Variants in HCFC2 observed in about 807,000 individuals in gnomAD.
HCFC2 encodes host cell factor C2.
Under a neutral mutation model 89.2 loss-of-function variants are expected in HCFC2, and 18 were observed. The observed-to-expected ratio is 0.20, with a 90% confidence interval of 0.14 to 0.30. The LOEUF (loss-of-function observed/expected upper bound fraction) is 0.30, where lower values mean the gene tolerates loss of function less well. Among genes scored for constraint, HCFC2 ranks in the 10% least tolerant of loss-of-function variants. The pLI, the probability that HCFC2 is intolerant of heterozygous loss-of-function variation, is 1.00. For missense variants in HCFC2, 578 were observed against 956.1 expected, an observed-to-expected ratio of 0.60 and a Z score of 5.21; for synonymous variants, 308 against 335.7, an observed-to-expected ratio of 0.92 and a Z score of 0.90.
At chr12:104,090,960 T>C (rs1319854132) in intron 9 of HCFC2, 3 of 152,302 alleles carry the variant, frequency 2.0e-5, no homozygotes, top group East Asian at 1.9e-4. Context: ...CAGTGGGTCT[T>C]TTTTCTTAGA....
intron 8 of HCFC2, 36 bp downstream of exon 8, chr12:104,087,050 A>G: frequency 4.4e-6 from 7 of 1,606,786 alleles, no homozygotes; most frequent in Non-Finnish European, 6.0e-6. Context: ...ATGTGTGCTC[A>G]CATGCTTTTA....
At chr12:104,066,704 T>C (rs1883159213) in intron 2 of HCFC2, among the ~76,000 whole-genome samples, 1 of 152,226 alleles carries the variant, frequency 6.6e-6, no homozygotes, top group African/African-American at 2.4e-5. Flanking sequence ...AAAACACAGA[T>C]TGCTGGGTCC....
At chr12:104,080,096 A>G (rs1289447732) in intron 4 of HCFC2, among the ~76,000 whole-genome samples, 1 of 152,180 alleles carries the variant, frequency 6.6e-6, no homozygotes, top group African/African-American at 2.4e-5. Context: ...CTAGGAATGA[A>G]TGATTGGAGG....
intron 7 of HCFC2, among the ~76,000 whole-genome samples, chr12:104,084,053 C>A (rs1883760512): frequency 6.6e-6 from 1 of 152,102 alleles, no homozygotes; most frequent in South Asian, 2.1e-4. Flanking sequence ...ATTATTAAAG[C>A]ACCAAAATTT....
intron 9 of HCFC2, 138 bp from the exon 10 acceptor site, chr12:104,093,248 A>C (rs1231636431): frequency 5.4e-6 from 3 of 558,954 alleles, no homozygotes; most frequent in Non-Finnish European, 9.0e-6. Flanking sequence ...AATCCTGTAG[A>C]AATTAATAAT....
chr12:104,103,741 A>G lies in HCFC2; in HGVS notation c.*468A>G, dbSNP rs901879234. 6.5e-6 allele frequency: 1 copy of G among 153,458 alleles called. No homozygotes were observed. Among genetic ancestry groups the G allele is most frequent in the African/African-American group, 2.4e-5 (1 of 41,448 alleles). The allele number at this position is 153,458 out of a possible 1,614,324, so 9.5% of individuals were successfully genotyped here. ...AGTGTTCCTCTAACAACTGTCTTCTATTGGATAATATGTGTGATACTATAA... is the reference window on the plus strand; with the variant it reads ...AGTGTTCCTCTAACAACTGTCTTCTGTTGGATAATATGTGTGATACTATAA... On this transcript the variant is annotated 3_prime_UTR_variant, in exon 15 of 15. Transcript: ENST00000229330.
At chr12:104,099,592 A>G (rs892728916) in intron 13 of HCFC2, among the ~76,000 whole-genome samples, 1 of 152,050 alleles carries the variant, frequency 6.6e-6, no homozygotes, top group Admixed American at 6.5e-5. Context: ...AAACTGGGCA[A>G]CATGGCAATA....
chr12:104,101,287 C>T (rs1267531510), intron 13 of HCFC2, among the ~76,000 whole-genome samples: 1 of 152,162 alleles, frequency 6.6e-6, no homozygotes, highest in Non-Finnish European at 1.5e-5. Flanking sequence ...AGTTCGAGAC[C>T]AGCCTGGCCA....
chr12:104,074,447 G>T (rs964095783), intron 3 of HCFC2, among the ~76,000 whole-genome samples: 13 of 152,096 alleles, frequency 8.5e-5, no homozygotes, highest in Admixed American at 6.5e-4. Context: ...GGCGTGAGCC[G>T]CCATGCCTGG....
rs2930859 is a variant in HCFC2 at position 104,064,722 on chromosome 12, G to C, written c.162G>C (p.Thr54=). The C allele has an allele frequency of 1.9e-6, 3 of 1,552,538 alleles. No homozygotes were observed. The highest frequency in any genetic ancestry group is 5.4e-5 in the East Asian group (2 of 37,306). Residue 54 remains threonine (T), a splice_region_variant and synonymous_variant, in exon 1 of 15, where the codon ACG becomes ACC. Coordinates refer to ENST00000229330, the MANE Select transcript of HCFC2 (RefSeq NM_013320.3). The surrounding 1 kb of genome is among the most constrained non-coding windows in gnomAD (Gnocchi z 7.3). ...GIADELHVYN[T]ATNQWFLPAV... ...CGGATGAGCTGCACGTCTACAACAC[G>C]GGTAGGCGCGGCGGCGGCTCGTCGG...
At chr12:104,098,551 T>G in intron 13 of HCFC2, 71 bp downstream of exon 13, 2 of 1,416,594 alleles carry the variant, frequency 1.4e-6, no homozygotes, top group Non-Finnish European at 1.9e-6. Context: ...TACCAATAAC[T>G]TAGGGAAAGG....
chr12:104,100,053 G>A (rs960745462), intron 13 of HCFC2, among the ~76,000 whole-genome samples: 2 of 152,014 alleles, frequency 1.3e-5, no homozygotes, highest in Non-Finnish European at 2.9e-5. Flanking sequence ...TGTGTCTAGA[G>A]AATGGAACTT....
chr12:104,086,020 C>T (rs1159620792), intron 7 of HCFC2, among the ~76,000 whole-genome samples: 13 of 119,262 alleles, frequency 1.1e-4, no homozygotes, highest in African/African-American at 4.3e-4. Context: ...TTTTTTGAGG[C>T]GGAGTCTCAC....
chr12:104,082,075 T>C (rs1883703927), intron 5 of HCFC2, among the ~76,000 whole-genome samples: 1 of 152,208 alleles, frequency 6.6e-6, no homozygotes, highest in Non-Finnish European at 1.5e-5. Flanking sequence ...TTAAAGTTTT[T>C]TGTTTAAGTG....
chr12:104,065,330 G>A (rs1883061563), intron 1 of HCFC2: 1 of 152,292 alleles, frequency 6.6e-6, no homozygotes, highest in African/African-American at 2.4e-5. Flanking sequence ...CTGGCCCTCG[G>A]AAAGAGGACT....
intron 3 of HCFC2, among the ~76,000 whole-genome samples, chr12:104,070,897 C>T (rs1593590881): frequency 6.6e-6 from 1 of 151,440 alleles, no homozygotes; most frequent in African/African-American, 2.4e-5. Context: ...CTCCGCCTCC[C>T]GGGTTCACGC....
intron 3 of HCFC2, among the ~76,000 whole-genome samples, chr12:104,076,298 G>A (rs746541113): frequency 3.3e-5 from 5 of 152,200 alleles, no homozygotes; most frequent in South Asian, 2.1e-4. Context: ...ATGAATGTTC[G>A]AAGCTTTTTT....
At chr12:104,066,450 CTATTATTCAAGTAA>C (rs986502086) in intron 2 of HCFC2, 135 bp downstream of exon 2, 7 of 532,154 alleles carry the variant, frequency 1.3e-5, no homozygotes, top group South Asian at 5.9e-5. Context: ...TTCAAGTAAA[CTATTATTCAAGTAA>C]TATTATTCAA....
At chr12:104,102,322 T>A (rs1401940919) in intron 14 of HCFC2, among the ~76,000 whole-genome samples, 169 bp downstream of exon 14, 1 of 152,252 alleles carries the variant, frequency 6.6e-6, no homozygotes, top group East Asian at 1.9e-4. Flanking sequence ...TCATTTTTTT[T>A]AACTTTTATT....
Sources: allele counts gnomAD v4.1 joint callset (sites outside exome capture counted in the v4.1 genomes callset), GRCh38; gene constraint gnomAD v4.1.1; non-coding constraint Gnocchi (gnomAD v3.1); transcripts MANE v1.5; gene names NCBI Gene and HGNC (gene_info 2026-07-23, HGNC 2026-07-21).